MYO16: variants seen among roughly 807,000 people sequenced by gnomAD.
MYO16 encodes unconventional myosin-XVI.
In MYO16, 94 loss-of-function variants were observed where a neutral mutation model predicts 205.3. The observed-to-expected ratio is 0.46, with a 90% CI of 0.39 to 0.54. The LOEUF (loss-of-function observed/expected upper bound fraction) is 0.54. Among genes scored for constraint, MYO16 ranks in the 20% least tolerant of loss-of-function variants. The pLI is 0.00. For missense variants in MYO16, 2,315 were observed against 2,387.5 expected (o/e 0.97, Z 0.63); for synonymous variants, 988 against 954.0 (o/e 1.04, Z -0.66).
intron 2 of MYO16, among the ~76,000 whole-genome samples, chr13:108,686,562 C>G (rs113766751): frequency 6.6e-6 from 1 of 152,120 alleles, no homozygotes; most frequent in Non-Finnish European, 1.5e-5. Context: ...GGTGATCACA[C>G]GTCAGCTCTG....
chr13:108,878,004 A>G (rs1196301163), intron 12 of MYO16, among the ~76,000 whole-genome samples: 2 of 151,594 alleles, frequency 1.3e-5, no homozygotes, highest in Non-Finnish European at 2.9e-5. Flanking sequence ...CATGCTACAG[A>G]ATAGAGATCA....
chr13:109,101,843 A>C (rs1002809806), intron 28 of MYO16: 2 of 152,216 alleles, frequency 1.3e-5, no homozygotes, highest in Admixed American at 1.3e-4. Flanking sequence ...TCTATGAGTA[A>C]AAATATATGA....
At chr13:109,054,119 C>T (rs1470552367) in intron 25 of MYO16, among the ~76,000 whole-genome samples, 3 of 151,844 alleles carry the variant, frequency 2.0e-5, no homozygotes, top group East Asian at 3.9e-4. Flanking sequence ...TCCTTTTAAC[C>T]CTGGGTGGAA....
At chr13:108,958,772 T>A (rs1170699004) in intron 17 of MYO16, among the ~76,000 whole-genome samples, 1 of 152,190 alleles carries the variant, frequency 6.6e-6, no homozygotes, top group African/African-American at 2.4e-5. Context: ...CTCTCAGAAT[T>A]CCCTTCAATC....
At chr13:109,182,414 C>T (rs375340106) in intron 34 of MYO16, among the ~76,000 whole-genome samples, 199 of 152,230 alleles carry the variant, frequency 1.3e-3, no homozygotes, top group African/African-American at 4.6e-3. Flanking sequence ...TGGCTCCATG[C>T]AGCACCAGCA....
chr13:109,005,363 C>A (rs1379953328), intron 21 of MYO16, among the ~76,000 whole-genome samples: 1 of 151,784 alleles, frequency 6.6e-6, no homozygotes, highest in Non-Finnish European at 1.5e-5. Flanking sequence ...ACAAGAAAAC[C>A]CATTGGGAAG....
chr13:108,734,195 C>CGTT (rs1884615711), intron 4 of MYO16, among the ~76,000 whole-genome samples: 2 of 144,968 alleles, frequency 1.4e-5, no homozygotes, highest in Admixed American at 7.0e-5. Context: ...TATAATATTG[C>CGTT]TTTTTTTTTT....
intron 34 of MYO16, among the ~76,000 whole-genome samples, chr13:109,179,971 C>A (rs985760461): frequency 2.0e-5 from 3 of 152,000 alleles, no homozygotes; most frequent in Non-Finnish European, 4.4e-5. Context: ...ATGCATTTGA[C>A]CTTGGCTAAA....
At chr13:109,134,494 C>T (rs1876680414) in intron 31 of MYO16, among the ~76,000 whole-genome samples, 1 of 152,198 alleles carries the variant, frequency 6.6e-6, no homozygotes, top group Non-Finnish European at 1.5e-5. Flanking sequence ...CTCGGTCCTT[C>T]ATGCAGCAAG....
the MYO16 span, among the ~76,000 whole-genome samples, chr13:108,527,812 T>G: frequency 2.0e-5 from 3 of 152,354 alleles, no homozygotes; most frequent in East Asian, 5.8e-4. Flanking sequence ...CTACCTTATT[T>G]TTGAAAGTGC....
In MYO16 at chr13:108,885,124, C is replaced by T. The variant is rs377425833; in HGVS notation, c.1553+1938C>T. On this transcript the variant is annotated intron_variant, in intron 13 of 34. Coordinates refer to ENST00000457511, the MANE Select transcript of MYO16 (RefSeq NM_001198950.3). ...AGGCACCAAGGCAGGGGCTTCCACC[C>T]ATTCTTTCTTTTGATACGGAGTTTC... Among the ~76,000 whole-genome samples the T allele has an allele frequency of 2.6e-5, 4 of 152,214 alleles. No homozygotes were observed. The East Asian group carries it at 7.7e-4, about 29-fold the overall frequency.
intron 4 of MYO16, among the ~76,000 whole-genome samples, chr13:108,778,960 G>T (rs539650783): frequency 6.6e-6 from 1 of 152,178 alleles, no homozygotes. Context: ...CTGCACTCGT[G>T]GGGGGATGCC....
the MYO16 span, among the ~76,000 whole-genome samples, chr13:108,564,521 T>C: frequency 1.1e-4 from 17 of 152,278 alleles, no homozygotes; most frequent in South Asian, 3.3e-3. Context: ...TATAGAGTTG[T>C]TTGAGCTCTT....
At chr13:109,077,801 G>C (rs1566494980) in intron 27 of MYO16, among the ~76,000 whole-genome samples, 1 of 152,062 alleles carries the variant, frequency 6.6e-6, no homozygotes, top group South Asian at 2.1e-4. Context: ...GCTTCATCAG[G>C]CTTCTTGGAT....
At chr13:108,966,194 T>G (rs1423192649) in intron 20 of MYO16, among the ~76,000 whole-genome samples, 2 of 152,208 alleles carry the variant, frequency 1.3e-5, no homozygotes, top group Admixed American at 6.5e-5. Flanking sequence ...TGAGGACTCT[T>G]GATTTTGCTA....
rs531260736 is a variant in MYO16 at position 109,145,998 on chromosome 13, A to G, written c.5164+4622A>G. Among the ~76,000 whole-genome samples, 19 of 152,384 alleles carry G rather than the reference A, an allele frequency of 1.2e-4. No individual in the cohort carries two copies. The South Asian group carries it at 3.7e-3, about 30-fold the overall frequency. ...TTCTGATACAGTGCATCCTTAGCTT[A>G]TAAGTTATAAACAGGTACTAAAAAT... On this transcript the variant is annotated intron_variant, in intron 32 of 34. Transcript: ENST00000457511.
chr13:108,986,025 G>T (rs747115584), intron 20 of MYO16, among the ~76,000 whole-genome samples: 3 of 152,138 alleles, frequency 2.0e-5, no homozygotes, highest in Non-Finnish European at 4.4e-5. Flanking sequence ...GGCGAAGGAG[G>T]AGCAGAGGCA....
At chr13:109,065,131 C>G (rs1042285968) in intron 27 of MYO16, among the ~76,000 whole-genome samples, 1 of 152,214 alleles carries the variant, frequency 6.6e-6, no homozygotes, top group Non-Finnish European at 1.5e-5. Flanking sequence ...GACTCTCTCT[C>G]TGGCAGAATA....
rs901090501 is a variant in MYO16 at position 108,629,680 on chromosome 13, T to G, written c.-165T>G. On this transcript the variant is annotated 5_prime_UTR_variant, in exon 1 of 35. Coordinates refer to ENST00000457511, the MANE Select transcript of MYO16 (RefSeq NM_001198950.3). ...TCCAGCTGCCGAATGAGAATGAGTT[T>G]GAAGCTTTTTGCAGGATCATGGAAC... is the stretch of plus-strand genomic sequence containing the variant. The G allele has an allele frequency of 1.8e-5, 11 of 603,466 alleles. No homozygotes were observed. In the Admixed American group the frequency reaches 2.7e-4, roughly 15 times the overall value. 37.4% of individuals were successfully genotyped at this position (603,466 alleles called of 1,614,324 possible).
Sources: gnomAD v4.1 joint callset for allele counts (sites outside exome capture counted in the v4.1 genomes callset) on GRCh38, gnomAD v4.1.1 for gene constraint, MANE v1.5 for transcripts, NCBI Gene and HGNC (gene_info 2026-07-23, HGNC 2026-07-21) for gene names.